KCNK2: variants seen among roughly 807,000 people sequenced by gnomAD.
KCNK2 encodes potassium two pore domain channel subfamily K member 2, also known as potassium channel subfamily K member 2.
A neutral mutation model predicts 40.5 loss-of-function variants in KCNK2; 21 were observed. The ratio of observed to expected loss-of-function variants is 0.52; its 90% CI spans 0.37 to 0.75. The LOEUF is 0.75. Ranked by LOEUF, KCNK2 falls within the 30% of genes least tolerant of loss-of-function variation. The pLI, the probability that KCNK2 is intolerant of heterozygous loss-of-function variation, is 0.00. For synonymous variants in KCNK2, 191 were observed against 202.2 expected (o/e 0.94, Z 0.47); for missense variants, 399 against 531.6 (o/e 0.75, Z 2.45).
chr1:215,020,163 T>G (rs1656741619), intron 1 of KCNK2, among the ~76,000 whole-genome samples: 1 of 152,164 alleles, frequency 6.6e-6, no homozygotes, highest in African/African-American at 2.4e-5. Context: ...TTTGGATGTT[T>G]TCAATGGGAG....
chr1:215,058,812 T>G (rs1160409250), intron 1 of KCNK2, among the ~76,000 whole-genome samples: 2 of 152,124 alleles, frequency 1.3e-5, no homozygotes, highest in African/African-American at 4.8e-5. Flanking sequence ...CTTTTCCCCT[T>G]TAGGGCCTTT....
At position 215,223,048 on chromosome 1, in the gene KCNK2, A is replaced by T. The variant is rs1300820670; in HGVS notation, c.964-11780A>T. Among the ~76,000 whole-genome samples, 6 of 152,076 alleles carry T rather than the reference A, an allele frequency of 3.9e-5. No individual in the cohort carries two copies. The East Asian group carries it at 1.2e-3, about 29-fold the overall frequency. On this transcript the variant is annotated intron_variant, in intron 6 of 6. Transcript: ENST00000444842. The stretch of plus-strand genomic sequence containing the variant: ...AATTAAAATACCACCTCCAAAAGGG[A>T]CAGGAAAAAATCCCGGTCAAAGATC...
At chr1:215,112,730 A>G (rs1660747940) in intron 2 of KCNK2, among the ~76,000 whole-genome samples, 3 of 152,154 alleles carry the variant, frequency 2.0e-5, no homozygotes, top group African/African-American at 7.2e-5. Flanking sequence ...TAGATACACA[A>G]ATACCATTGT....
chr1:215,146,686 C>T (rs182453200), intron 3 of KCNK2, among the ~76,000 whole-genome samples: 18 of 152,280 alleles, frequency 1.2e-4, no homozygotes, highest in Admixed American at 1.0e-3. Context: ...CTGAGAAAAA[C>T]GCTAAGTTTG....
At chr1:215,168,780 G>C (rs1663565040) in intron 3 of KCNK2, among the ~76,000 whole-genome samples, 1 of 152,004 alleles carries the variant, frequency 6.6e-6, no homozygotes, top group African/African-American at 2.4e-5. Context: ...ATGATGGGTT[G>C]AGAGGTGCAG....
intron 3 of KCNK2, among the ~76,000 whole-genome samples, chr1:215,167,205 A>G (rs1663484267): frequency 6.6e-6 from 1 of 152,150 alleles, no homozygotes; most frequent in African/African-American, 2.4e-5. Context: ...ATAACAATGA[A>G]ATAAATACAA....
chr1:215,102,090 G>T (rs1660246734), intron 2 of KCNK2, among the ~76,000 whole-genome samples: 1 of 151,852 alleles, frequency 6.6e-6, no homozygotes, highest in Non-Finnish European at 1.5e-5. Context: ...GAGGCTAATT[G>T]GGATCCCTTA....
At chr1:215,064,973 G>A (rs1471783397) in intron 1 of KCNK2, among the ~76,000 whole-genome samples, 4 of 152,082 alleles carry the variant, frequency 2.6e-5, no homozygotes, top group Non-Finnish European at 5.9e-5. Context: ...TTGTCAAACA[G>A]GTTCATTTGT....
chr1:215,084,652 G>T lies in KCNK2; in HGVS notation c.46+1221G>T, dbSNP rs187404318. ...TGCCCAGTGCTAATTTTGAGTGAAG[G>T]TGTCTTTATAAATATTTTAAAGGTA... is the stretch of plus-strand genomic sequence containing the variant. On this transcript the variant is annotated intron_variant, in intron 1 of 6. Coordinates refer to ENST00000444842, the MANE Select transcript of KCNK2 (RefSeq NM_001017425.3). 2.0e-3 allele frequency among the ~76,000 whole-genome samples: 312 copies of T among 152,234 alleles called. 6 individuals are homozygous for T. The highest frequency in any genetic ancestry group is 0.018 in the Admixed American group (281 of 15,282).
chr1:215,175,508 T>C, intron 5 of KCNK2, among the ~76,000 whole-genome samples: 1 of 152,272 alleles, frequency 6.6e-6, no homozygotes, highest in East Asian at 1.9e-4. Flanking sequence ...ATTTCAACTT[T>C]TATTTTAGAT....
At chr1:215,139,837 G>GCA (rs910831888) in intron 3 of KCNK2, among the ~76,000 whole-genome samples, 1 of 152,014 alleles carries the variant, frequency 6.6e-6, no homozygotes, top group African/African-American at 2.4e-5. Context: ...TGTTATCAAA[G>GCA]TATATATATA....
At chr1:215,145,645 A>G (rs1188112360) in intron 3 of KCNK2, among the ~76,000 whole-genome samples, 1 of 152,188 alleles carries the variant, frequency 6.6e-6, no homozygotes, top group Non-Finnish European at 1.5e-5. Context: ...CTGCTATAGT[A>G]GACTTTTATT....
intron 2 of KCNK2, among the ~76,000 whole-genome samples, chr1:215,092,052 G>A (rs1659713392): frequency 6.6e-6 from 1 of 152,116 alleles, no homozygotes; most frequent in South Asian, 2.1e-4. Context: ...CCCTGGCTGT[G>A]GTGTTGAAAA....
intron 3 of KCNK2, among the ~76,000 whole-genome samples, chr1:215,158,796 T>C (rs1356044880): frequency 6.6e-6 from 1 of 152,166 alleles, no homozygotes; most frequent in Non-Finnish European, 1.5e-5. Context: ...CACATAGTTA[T>C]TGACCTGGAG....
intron 2 of KCNK2, among the ~76,000 whole-genome samples, chr1:215,107,156 G>A (rs1468284414): frequency 6.6e-6 from 1 of 151,712 alleles, no homozygotes; most frequent in African/African-American, 2.4e-5. Context: ...TAGGAATAAT[G>A]TTGAATTTAT....
chr1:215,007,185 GTATATATATATATATATATATATA>G (rs1162302568), intron 1 of KCNK2, among the ~76,000 whole-genome samples: 21 of 31,026 alleles, frequency 6.8e-4, no homozygotes, highest in Non-Finnish European at 1.1e-3. Context: ...ATGTGTGTGG[GTATATATATATATATATATATATA>G]TATATATATA....
chr1:215,209,332 ATATATATAATATATATAT>A (rs1482637767), intron 6 of KCNK2, among the ~76,000 whole-genome samples: 3 of 92,996 alleles, frequency 3.2e-5, no homozygotes, highest in African/African-American at 8.7e-5. Flanking sequence ...ACATATTTTT[ATATATATAATATATATAT>A]TATATATAAT....
chr1:215,014,773 G>GTA (rs1558056952), intron 1 of KCNK2, among the ~76,000 whole-genome samples: 1 of 151,868 alleles, frequency 6.6e-6, no homozygotes, highest in East Asian at 1.9e-4. Flanking sequence ...ATAAGGGTGT[G>GTA]TTCCTTTGGC....
chr1:215,032,710 T>A (rs947043876), intron 1 of KCNK2, among the ~76,000 whole-genome samples: 1 of 152,186 alleles, frequency 6.6e-6, no homozygotes, highest in Non-Finnish European at 1.5e-5. Context: ...CTCCACTTTC[T>A]TCTTGTTTGC....
Sources: gnomAD v4.1 joint callset for allele counts (sites outside exome capture counted in the v4.1 genomes callset) on GRCh38, gnomAD v4.1.1 for gene constraint, MANE v1.5 for transcripts, NCBI Gene and HGNC (gene_info 2026-07-23, HGNC 2026-07-21) for gene names.